Variants in PTPRN2 observed in about 807,000 individuals in gnomAD.
The protein encoded by PTPRN2 is receptor-type tyrosine-protein phosphatase N2.
In PTPRN2, 74 loss-of-function variants were observed where a neutral mutation model predicts 118.8. The observed-to-expected ratio is 0.62, with a 90% CI of 0.52 to 0.76. The LOEUF is 0.76. Among genes scored for constraint, PTPRN2 ranks in the 30% least tolerant of loss-of-function variants. PTPRN2 has a pLI of 0.00. For missense variants in PTPRN2, 1,481 were observed against 1,394.4 expected (o/e 1.06, Z -0.99); for synonymous variants, 641 against 608.0 (o/e 1.05, Z -0.80).
intron 11 of PTPRN2, among the ~76,000 whole-genome samples, chr7:158,067,714 A>AGAGT (rs1267575526): frequency 6.6e-6 from 1 of 152,072 alleles, no homozygotes; most frequent in Non-Finnish European, 1.5e-5. Context: ...AGCGAGTGAC[A>AGAGT]GAGTGAGTGA....
chr7:158,379,520 T>C (rs7809957), intron 2 of PTPRN2, among the ~76,000 whole-genome samples: 133,402 of 151,874 alleles, frequency 0.88, 59,035 homozygotes, highest in East Asian at 0.93. Context: ...CAAGAAATGG[T>C]ACAGACGAAA....
Position 158,067,714 on chromosome 7 carries a change from AGAGT to A in PTPRN2, c.1723+13580_1723+13583del, listed in dbSNP as rs1267575526. ...AGGCGTGAAGGAGTGAGCGAGTGAC[AGAGT>A]GAGTGAGTGAGCACTGTTCCCACCA... On this transcript the variant is annotated intron_variant, in intron 11 of 22. Transcript: ENST00000389418. 5.3e-5 allele frequency among the ~76,000 whole-genome samples: 8 copies of A among 152,190 alleles called. No homozygotes were observed. In the South Asian group the frequency reaches 1.2e-3, roughly 24 times the overall value.
intron 12 of PTPRN2, among the ~76,000 whole-genome samples, chr7:157,885,856 GC>G (rs1184160609): frequency 7.9e-5 from 12 of 152,218 alleles, no homozygotes; most frequent in Non-Finnish European, 1.5e-4. Flanking sequence ...CACTTCTCCT[GC>G]CTCAGTCTCC....
chr7:158,273,920 G>A lies in PTPRN2; in HGVS notation c.277+42899C>T, dbSNP rs200105773. On this transcript the variant is annotated intron_variant, in intron 3 of 22. Transcript: ENST00000389418. The stretch of plus-strand genomic sequence containing the variant: ...GCCGCAGACAGACGCGGGAGGAGCC[G>A]CAGACACAGGGGGAGCCGCAGACAC... 1.8e-3 allele frequency among the ~76,000 whole-genome samples: 242 copies of A among 132,466 alleles called. 1 individual carries two copies. The highest frequency in any genetic ancestry group is 5.3e-3 in the African/African-American group (176 of 33,288). The allele number at this position is 132,466 out of a possible 152,430, so 86.9% of individuals were successfully genotyped here. A position where few individuals can be genotyped will look rare whatever the true frequency, so the allele number is the denominator to read the frequency against.
chr7:158,137,732 G>A (rs1818957701), intron 7 of PTPRN2, among the ~76,000 whole-genome samples: 1 of 152,210 alleles, frequency 6.6e-6, no homozygotes, highest in South Asian at 2.1e-4. Context: ...TTTTCAGCAC[G>A]TACTTGTGGG....
chr7:158,157,906 C>T (rs953961275), intron 6 of PTPRN2, among the ~76,000 whole-genome samples: 1 of 152,238 alleles, frequency 6.6e-6, no homozygotes, highest in Non-Finnish European at 1.5e-5. Flanking sequence ...ACTTTGATAA[C>T]ATAGGTGCCT....
At chr7:158,223,889 T>C (rs1207408050) in intron 3 of PTPRN2, among the ~76,000 whole-genome samples, 1 of 152,034 alleles carries the variant, frequency 6.6e-6, no homozygotes, top group African/African-American at 2.4e-5. Context: ...CTATGTCCTA[T>C]TTCCTGATTA....
chr7:157,638,986 G>A (rs567538214), intron 14 of PTPRN2, among the ~76,000 whole-genome samples: 1 of 152,046 alleles, frequency 6.6e-6, no homozygotes, highest in South Asian at 2.1e-4. Context: ...ATCATTACCT[G>A]CTCATCTTTG....
chr7:158,036,090 C>G (rs1202629400), intron 11 of PTPRN2, among the ~76,000 whole-genome samples: 1 of 152,020 alleles, frequency 6.6e-6, no homozygotes, highest in Non-Finnish European at 1.5e-5. Flanking sequence ...AGATGTCTGT[C>G]AAAATTATCC....
chr7:158,538,210 T>C (rs190810814), intron 1 of PTPRN2, among the ~76,000 whole-genome samples: 78 of 152,268 alleles, frequency 5.1e-4, no homozygotes, highest in African/African-American at 1.9e-3. Context: ...TTCTGGAAAA[T>C]GTGGGGACAC....
In PTPRN2 at chr7:157,729,383, C is replaced by T. The variant is rs551411954; in HGVS notation, c.1789-46446G>A. ...TGGAGGGCTGGATGCCTTCAGGTCC[C>T]GGACCCCCCACTCTGCTCCCGTGGA... is the stretch of plus-strand genomic sequence containing the variant. On this transcript the variant is annotated intron_variant, in intron 12 of 22. Transcript: ENST00000389418. The surrounding 1 kb of genome is among the most constrained non-coding windows in gnomAD (Gnocchi z 4.3). Among the ~76,000 whole-genome samples the T allele has an allele frequency of 1.8e-4, 27 of 152,240 alleles. No homozygotes were observed. In the South Asian group the frequency reaches 5.0e-3, roughly 28 times the overall value.
chr7:158,173,332 G>T (rs1823885885), intron 5 of PTPRN2, among the ~76,000 whole-genome samples: 1 of 152,192 alleles, frequency 6.6e-6, no homozygotes, highest in Non-Finnish European at 1.5e-5. Flanking sequence ...GTACAAAGAG[G>T]TAAATTTTAC....
chr7:158,393,113 C>A (rs964637924), intron 2 of PTPRN2, among the ~76,000 whole-genome samples: 11 of 152,082 alleles, frequency 7.2e-5, no homozygotes, highest in African/African-American at 2.7e-4. Context: ...TGGTCTTACT[C>A]GATGTTGGCT....
intron 10 of PTPRN2, among the ~76,000 whole-genome samples, chr7:158,085,365 G>A (rs937850145): frequency 5.2e-5 from 4 of 76,924 alleles, no homozygotes; most frequent in African/African-American, 1.8e-4. Flanking sequence ...CCACACCCAC[G>A]ACGCCCATCC....
chr7:158,328,997 T>C (rs1377617885), intron 2 of PTPRN2, among the ~76,000 whole-genome samples: 1 of 141,996 alleles, frequency 7.0e-6, no homozygotes, highest in Non-Finnish European at 1.5e-5. Flanking sequence ...TATGATGAGA[T>C]TGTGGGTGTG....
At chr7:157,626,464 A>C (rs1585132661) in intron 14 of PTPRN2, among the ~76,000 whole-genome samples, 1 of 152,294 alleles carries the variant, frequency 6.6e-6, no homozygotes, top group East Asian at 1.9e-4. Context: ...GGTGCAGTTC[A>C]GACAACACTT....
Position 157,540,787 on chromosome 7 carries a change from T to C in PTPRN2, c.2977-2A>G. ...TGTCAGCGCGAACTCAAACTGCTCC[T>C]GCAGGGCGAGAAACGAGAGAAGTGC... On this transcript the variant is annotated splice_acceptor_variant, in intron 22 of 22. Coordinates refer to ENST00000389418, the MANE Select transcript of PTPRN2 (RefSeq NM_002847.5). LOFTEE classifies it high-confidence loss of function. 6.4e-7 allele frequency: 1 copy of C among 1,560,034 alleles called. No individual in the cohort carries two copies. The highest frequency in any genetic ancestry group is 8.7e-7 in the Non-Finnish European group (1 of 1,151,392).
At chr7:158,253,677 T>A (rs1796835274) in intron 3 of PTPRN2, among the ~76,000 whole-genome samples, 1 of 152,250 alleles carries the variant, frequency 6.6e-6, no homozygotes. Flanking sequence ...GAGGCAAGAC[T>A]GGGGACTTCC....
intron 12 of PTPRN2, among the ~76,000 whole-genome samples, chr7:157,836,314 A>T (rs1327748654): frequency 6.6e-6 from 1 of 152,240 alleles, no homozygotes; most frequent in Non-Finnish European, 1.5e-5. Flanking sequence ...ATATTAGTTC[A>T]ACTGGATAAG....
Sources: allele counts gnomAD v4.1 joint callset (sites outside exome capture counted in the v4.1 genomes callset), GRCh38; gene constraint gnomAD v4.1.1; non-coding constraint Gnocchi (gnomAD v3.1); transcripts MANE v1.5; gene names NCBI Gene and HGNC (gene_info 2026-07-23, HGNC 2026-07-21).